MEF2B: variants seen among roughly 807,000 people sequenced by gnomAD.
MEF2B encodes myocyte-specific enhancer factor 2B.
In MEF2B, 15 loss-of-function variants were observed where a neutral mutation model predicts 32.2. The observed-to-expected ratio is 0.47, with a 90% confidence interval of 0.31 to 0.72. MEF2B has a LOEUF of 0.72. Ranked by LOEUF, MEF2B falls within the 30% of genes least tolerant of loss-of-function variation. MEF2B has a pLI of 0.05. For missense variants in MEF2B, 441 were observed against 511.5 expected, an observed-to-expected ratio of 0.86 and a Z score of 1.33; for synonymous variants, 205 against 225.6, an observed-to-expected ratio of 0.91 and a Z score of 0.82.
chr19:19,145,577 G>A lies in MEF2B; in HGVS notation c.*220C>T, dbSNP rs2060017823. 1.8e-6 allele frequency: 2 copies of A among 1,105,676 alleles called. No individual in the cohort carries two copies. The highest frequency in any genetic ancestry group is 1.6e-5 in the South Asian group (1 of 62,174). 68.5% of individuals were successfully genotyped at this position (1,105,676 alleles called of 1,614,324 possible). ...GCGAGTCACAGTCAGTCTGGTCCAC[G>A]GACGCCACGCGCGTTTTATTTGTGG... On this transcript the variant is annotated 3_prime_UTR_variant, in exon 9 of 9. Transcript: ENST00000424583. The surrounding 1 kb of genome is among the most constrained non-coding windows in gnomAD (Gnocchi z 4.6).
intron 6 of MEF2B, 41 bp from the exon 7 acceptor site, chr19:19,146,689 C>A: frequency 6.2e-7 from 1 of 1,613,578 alleles, no homozygotes; most frequent in Non-Finnish European, 8.5e-7. Context: ...AGGCCCACAC[C>A]CAGGTCGCCC....
chr19:19,152,387 AAAAAAG>A (rs753482273), intron 1 of MEF2B, among the ~76,000 whole-genome samples: 185 of 146,768 alleles, frequency 1.3e-3, no homozygotes, highest in African/African-American at 1.5e-3. Context: ...TCTCAAAAAA[AAAAAAG>A]AAAAAGAAAA....
chr19:19,151,196 T>C (rs528030037), intron 1 of MEF2B, among the ~76,000 whole-genome samples: 1 of 152,218 alleles, frequency 6.6e-6, no homozygotes, highest in Non-Finnish European at 1.5e-5. Context: ...GAGGCTGCAG[T>C]GAACTATGAT....
chr19:19,148,727 T>TTTA (rs2060048373), intron 3 of MEF2B, among the ~76,000 whole-genome samples: 6 of 138,888 alleles, frequency 4.3e-5, no homozygotes, highest in African/African-American at 1.3e-4. Context: ...TTATTTATTT[T>TTTA]TTGAGACAGA....
intron 1 of MEF2B, among the ~76,000 whole-genome samples, chr19:19,167,053 T>A (rs571186686): frequency 2.6e-5 from 4 of 151,446 alleles, no homozygotes; most frequent in East Asian, 3.9e-4. Flanking sequence ...TTTTTTTTTT[T>A]AATTAGCTGG....
intron 3 of MEF2B, 31 bp downstream of exon 3, chr19:19,149,195 T>A: frequency 6.2e-7 from 1 of 1,611,226 alleles, no homozygotes; most frequent in Non-Finnish European, 8.5e-7. Flanking sequence ...GCACGGGGCC[T>A]TGTGGGGCTG....
intron 1 of MEF2B, among the ~76,000 whole-genome samples, chr19:19,161,759 G>GC (rs922386464): frequency 3.6e-5 from 5 of 140,410 alleles, no homozygotes; most frequent in African/African-American, 1.1e-4. Flanking sequence ...CATAGGTAGG[G>GC]CCCCCCCATC....
At chr19:19,157,740 C>T (rs924571445) in intron 1 of MEF2B, among the ~76,000 whole-genome samples, 2 of 152,110 alleles carry the variant, frequency 1.3e-5, no homozygotes, top group African/African-American at 2.4e-5. Context: ...CCTAGCTACT[C>T]GGGAGGCTGA....
At chr19:19,169,745 T>A (rs2146392027) in intron 1 of MEF2B, among the ~76,000 whole-genome samples, 1 of 152,090 alleles carries the variant, frequency 6.6e-6, no homozygotes. Flanking sequence ...CGTTCCAAGG[T>A]TTTGTGCCTA....
In MEF2B at chr19:19,146,561, G is replaced by A. The variant is rs1438439251; in HGVS notation, c.763C>T (p.Pro255Ser). 1.1e-5 allele frequency: 17 copies of A among 1,565,464 alleles called. No homozygotes were observed. Among genetic ancestry groups the A allele is most frequent in the Admixed American group, 6.2e-5 (3 of 48,296 alleles). ...GGCAGGTTAGGGGATGTACCTGGGGGGCCTCCGGGGAGGAAGGGGAAGCTC... is the reference window on the plus strand; with the variant it reads ...GGCAGGTTAGGGGATGTACCTGGGGAGCCTCCGGGGAGGAAGGGGAAGCTC... ...LGSFPFLPGG[P>S]PEYGLGDPPP... Residue 255 changes from proline to serine, a missense_variant, in exon 7 of 9, where the codon CCC becomes TCC. This residue lies in a region of MEF2B where 326 missense variants were observed against 328.4 expected (regional missense o/e 0.99). Coordinates refer to ENST00000424583, the MANE Select transcript of MEF2B (RefSeq NM_001145785.2).
intron 1 of MEF2B, among the ~76,000 whole-genome samples, chr19:19,155,926 G>T (rs1568550417): frequency 6.6e-6 from 1 of 152,240 alleles, no homozygotes; most frequent in African/African-American, 2.4e-5. Context: ...CATCTGCCCA[G>T]CGCAGAAGCA....
rs2060053082 is a variant in MEF2B at position 19,149,235 on chromosome 19, G to A, written c.249C>T (p.Asp83=). 1.2e-6 allele frequency: 2 copies of A among 1,613,946 alleles called. No individual in the cohort carries two copies. Among genetic ancestry groups the A allele is most frequent in the African/African-American group, 2.7e-5 (2 of 75,022 alleles). The change falls in exon 3 of 9, where the codon GAC becomes GAT. Residue 83 remains aspartate, a synonymous_variant. Transcript: ENST00000424583. ...GGAGGACCTGGGGTACCTCGAGGAT[G>A]TCAGTGTTGGTGCGGCTCTCGTGGG... The part of the protein sequence containing the change: ...SEPHESRTNT[D]ILETLKRRGI...
chr19:19,159,305 C>T (rs2060142564), intron 1 of MEF2B, among the ~76,000 whole-genome samples: 1 of 150,788 alleles, frequency 6.6e-6, no homozygotes, highest in Non-Finnish European at 1.5e-5. Context: ...CCTGTAGTCC[C>T]AGCTACTTGG....
At chr19:19,149,460 A>G (rs1313515062) in intron 2 of MEF2B, 31 bp from the exon 3 acceptor site, 1 of 1,612,772 alleles carries the variant, frequency 6.2e-7, no homozygotes, top group South Asian at 1.1e-5. Context: ...GGCAGGGGAG[A>G]GAAGAAGAAG....
intron 1 of MEF2B, among the ~76,000 whole-genome samples, chr19:19,158,152 A>G (rs1480984071): frequency 1.3e-5 from 2 of 150,580 alleles, no homozygotes; most frequent in African/African-American, 4.9e-5. Context: ...CAGTGGCATG[A>G]TCTCAGCTCA....
chr19:19,147,516 C>T (rs541975803), intron 4 of MEF2B, among the ~76,000 whole-genome samples, 182 bp downstream of exon 4: 3 of 152,310 alleles, frequency 2.0e-5, no homozygotes, highest in African/African-American at 7.2e-5. Context: ...TCTTATTCAT[C>T]CTTCAAAGCC....
rs761003085 is a variant in MEF2B at position 19,146,655 on chromosome 19, G to A, written c.676-7C>T. 50 of 1,613,252 alleles carry A rather than the reference G, an allele frequency of 3.1e-5. No homozygotes were observed. The Middle Eastern group carries it at 1.3e-3, about 42-fold the overall frequency. The stretch of plus-strand genomic sequence containing the variant: ...GGCCACTGTAGAGGCTTCTCTGTGC[G>A]GAGAGAGGGTGAAGGGGAAACTGAG... On this transcript the variant is annotated splice_polypyrimidine_tract_variant and splice_region_variant and intron_variant, in intron 6 of 8. Coordinates refer to ENST00000424583, the MANE Select transcript of MEF2B (RefSeq NM_001145785.2).
intron 1 of MEF2B, among the ~76,000 whole-genome samples, chr19:19,169,766 G>C (rs1231264667): frequency 1.3e-5 from 2 of 152,174 alleles, no homozygotes; most frequent in African/African-American, 2.4e-5. Flanking sequence ...CCATCCTGCT[G>C]TGACAAACGA....
chr19:19,164,746 A>T (rs1226814682), intron 1 of MEF2B, among the ~76,000 whole-genome samples: 1 of 152,086 alleles, frequency 6.6e-6, no homozygotes, highest in Non-Finnish European at 1.5e-5. Flanking sequence ...CCCAGGAGTC[A>T]GAGGTCACCC....
Sources: allele counts gnomAD v4.1 joint callset (sites outside exome capture counted in the v4.1 genomes callset), GRCh38; gene constraint gnomAD v4.1.1; regional missense constraint gnomAD v4.1.1; non-coding constraint Gnocchi (gnomAD v3.1); transcripts MANE v1.5; gene names NCBI Gene and HGNC (gene_info 2026-07-23, HGNC 2026-07-21).